The following GBE1 variants were observed in gnomAD, a reference collection of about 807,000 sequenced individuals.
GBE1 encodes 1,4-alpha-glucan-branching enzyme.
A neutral mutation model predicts 88.8 loss-of-function variants in GBE1; 70 were observed. The observed-to-expected ratio is 0.79, with a 90% CI of 0.65 to 0.96. The LOEUF (loss-of-function observed/expected upper bound fraction) is 0.96, where lower values mean the gene tolerates loss of function less well. Among genes scored for constraint, GBE1 ranks in the 40% least tolerant of loss-of-function variants. The probability of loss-of-function intolerance (pLI) is 0.00; values close to 1 mark genes in which losing one functional copy is unlikely to be tolerated. For synonymous variants in GBE1, 284 were observed against 300.1 expected, an observed-to-expected ratio of 0.95 and a Z score of 0.56; for missense variants, 872 against 871.0, an observed-to-expected ratio of 1.00 and a Z score of -0.01.
At chr3:81,710,450 T>G (rs967964925) in intron 1 of GBE1, among the ~76,000 whole-genome samples, 21 of 151,494 alleles carry the variant, frequency 1.4e-4, no homozygotes, top group Non-Finnish European at 2.9e-4. Flanking sequence ...TAATTATATT[T>G]AATTAATTTA....
intron 7 of GBE1, among the ~76,000 whole-genome samples, chr3:81,630,711 C>G (rs372606007): frequency 6.6e-6 from 1 of 152,218 alleles, no homozygotes; most frequent in Non-Finnish European, 1.5e-5. Context: ...ATTTCCAAAA[C>G]GTAATACCTC....
At chr3:81,620,274 C>A (rs1704307329) in intron 7 of GBE1, among the ~76,000 whole-genome samples, 1 of 151,816 alleles carries the variant, frequency 6.6e-6, no homozygotes, top group South Asian at 2.1e-4. Context: ...CCTCCACCTC[C>A]CGGGTTCAAG....
chr3:81,566,507 G>A (rs2106917216), intron 12 of GBE1, among the ~76,000 whole-genome samples: 1 of 152,156 alleles, frequency 6.6e-6, no homozygotes. Context: ...AGGAAAAAAG[G>A]CACACAACCA....
chr3:81,581,270 A>G lies in GBE1; in HGVS notation c.1341T>C (p.Leu447=). ...TCCAGTCTTCATCTTTAAACTCTTT[A>G]AGTAGCTAGACACAAGAGAGAAAAA... ...MAIPDKWIQL[L]KEFKDEDWNM... is the part of the protein sequence containing the mutation. Residue 447 remains leucine, a synonymous_variant, in exon 11 of 16, where the codon CTT becomes CTC. Coordinates refer to ENST00000429644, the MANE Select transcript of GBE1 (RefSeq NM_000158.4). 1 of 1,547,012 alleles carries G rather than the reference A, an allele frequency of 6.5e-7. No individual in the cohort carries two copies. The highest frequency in any genetic ancestry group is 2.3e-5 in the East Asian group (1 of 44,010).
In GBE1 at chr3:81,526,300, A is replaced by T. The variant is rs571329656; in HGVS notation, c.1934+8895T>A. Among the ~76,000 whole-genome samples, 10 of 152,210 alleles carry T rather than the reference A, an allele frequency of 6.6e-5. No individual in the cohort carries two copies. In the South Asian group the frequency reaches 2.1e-3, roughly 32 times the overall value. On this transcript the variant is annotated intron_variant, in intron 14 of 15. Coordinates refer to ENST00000429644, the MANE Select transcript of GBE1 (RefSeq NM_000158.4). ...GCAAAAACTAGAAGCATTCCCTTTGAAAAGTGGTACAAGACAGGGATGCCC... is the reference window on the plus strand; with the variant it reads ...GCAAAAACTAGAAGCATTCCCTTTGTAAAGTGGTACAAGACAGGGATGCCC...
At position 81,508,345 on chromosome 3, in the gene GBE1, T is replaced by C. The variant is rs567776866; in HGVS notation, c.1935-9118A>G. ...AAATAGAAAAATGTGCTCACACTTC[T>C]GCACTAACCTCTCCCTAAAACTGCT... On this transcript the variant is annotated intron_variant, in intron 14 of 15. Transcript: ENST00000429644. Among the ~76,000 whole-genome samples, 5 of 152,292 alleles carry C rather than the reference T, an allele frequency of 3.3e-5. No homozygotes were observed. The East Asian group carries it at 9.7e-4, about 29-fold the overall frequency.
chr3:81,581,637 T>C (rs1703732993), intron 10 of GBE1, among the ~76,000 whole-genome samples: 2 of 152,084 alleles, frequency 1.3e-5, no homozygotes, highest in African/African-American at 4.8e-5. Context: ...AACTTGTACA[T>C]GGTAGAGATA....
At chr3:81,606,321 C>G (rs939866764) in intron 7 of GBE1, among the ~76,000 whole-genome samples, 6 of 152,148 alleles carry the variant, frequency 3.9e-5, no homozygotes, top group Non-Finnish European at 5.9e-5. Context: ...TATAATGACA[C>G]GGAGGAATTG....
intron 12 of GBE1, among the ~76,000 whole-genome samples, chr3:81,551,178 C>T (rs1356726499): frequency 1.3e-5 from 2 of 152,160 alleles, no homozygotes; most frequent in Non-Finnish European, 2.9e-5. Context: ...AAGAATACAA[C>T]TTTAGAACTA....
chr3:81,605,979 T>A (rs1050925880), intron 7 of GBE1, among the ~76,000 whole-genome samples: 2 of 152,200 alleles, frequency 1.3e-5, no homozygotes, highest in Non-Finnish European at 2.9e-5. Flanking sequence ...AATTCAGGTC[T>A]CTTATTGCAG....
chr3:81,689,517 T>C (rs1370153007), intron 2 of GBE1, among the ~76,000 whole-genome samples: 2 of 152,272 alleles, frequency 1.3e-5, no homozygotes, highest in African/African-American at 4.8e-5. Context: ...GTCATGTTTT[T>C]TATTAACTAC....
intron 12 of GBE1, among the ~76,000 whole-genome samples, chr3:81,564,790 C>T (rs574841798): frequency 3.3e-5 from 5 of 152,178 alleles, no homozygotes; most frequent in South Asian, 2.1e-4. Flanking sequence ...CCAGTGACTC[C>T]GGCACAGTCC....
intron 9 of GBE1, among the ~76,000 whole-genome samples, chr3:81,587,696 G>A (rs1703819875): frequency 6.6e-6 from 1 of 152,120 alleles, no homozygotes; most frequent in African/African-American, 2.4e-5. Flanking sequence ...ATCTAGACTA[G>A]TTTAATAATA....
rs71108342 is a variant in GBE1 at position 81,750,539 on chromosome 3, GTA to G, written c.143+10834_143+10835del. ...TCAAAACATTCATATATATATATAC[GTA>G]TATATATATGTATATATATATGTAT... On this transcript the variant is annotated intron_variant, in intron 1 of 15. Transcript: ENST00000429644. 1.6e-3 allele frequency among the ~76,000 whole-genome samples: 107 copies of G among 66,398 alleles called. 10 individuals carry two copies. Among genetic ancestry groups the G allele is most frequent in the South Asian group, 0.011 (31 of 2,788 alleles). The allele number at this position is 66,398 out of a possible 152,430, so 43.6% of individuals were successfully genotyped here.
chr3:81,568,786 A>G lies in GBE1; in HGVS notation c.1618+9139T>C, dbSNP rs545221817. Among the ~76,000 whole-genome samples, 23 of 151,856 alleles carry G rather than the reference A, an allele frequency of 1.5e-4. No homozygotes were observed. In the East Asian group the frequency reaches 1.7e-3, roughly 12 times the overall value. On this transcript the variant is annotated intron_variant, in intron 12 of 15. Coordinates refer to ENST00000429644, the MANE Select transcript of GBE1 (RefSeq NM_000158.4). The stretch of plus-strand genomic sequence containing the variant: ...GTTAGACACGAACGTGTGTGTGTGT[A>G]TATATATATATGTGCATGTGAGTAT...
intron 2 of GBE1, among the ~76,000 whole-genome samples, chr3:81,693,211 A>C (rs1705545387): frequency 6.6e-6 from 1 of 152,166 alleles, no homozygotes; most frequent in Non-Finnish European, 1.5e-5. Context: ...TTTGGTTTAA[A>C]AATAAACACA....
At chr3:81,635,255 G>A (rs1053748209) in intron 7 of GBE1, among the ~76,000 whole-genome samples, 8 of 152,116 alleles carry the variant, frequency 5.3e-5, no homozygotes, top group African/African-American at 1.9e-4. Context: ...TATGGTGAAA[G>A]AAACAGAAGG....
chr3:81,741,765 AT>A (rs1156954777), intron 1 of GBE1, among the ~76,000 whole-genome samples: 1 of 149,088 alleles, frequency 6.7e-6, no homozygotes, highest in African/African-American at 2.5e-5. Context: ...ACTCTATATA[AT>A]ATATAACACT....
chr3:81,498,815 A>G lies in GBE1; in HGVS notation c.2052+295T>C, dbSNP rs820273. ...TGCATAAAGAATAGAAATGTTCATAATTGAAAGAAAAATAAAAAACTGCCT... is the reference window on the plus strand; with the variant it reads ...TGCATAAAGAATAGAAATGTTCATAGTTGAAAGAAAAATAAAAAACTGCCT... On this transcript the variant is annotated intron_variant, in intron 15 of 15. Coordinates refer to ENST00000429644, the MANE Select transcript of GBE1 (RefSeq NM_000158.4). Among the ~76,000 whole-genome samples the G allele has an allele frequency of 0.36, 55,427 of 152,068 alleles. 11,435 individuals carry two copies. Among genetic ancestry groups the G allele is most frequent in the South Asian group, 0.55 (2,651 of 4,826 alleles).
Sources: allele counts gnomAD v4.1 joint callset (sites outside exome capture counted in the v4.1 genomes callset), GRCh38; gene constraint gnomAD v4.1.1; transcripts MANE v1.5; gene names NCBI Gene and HGNC (gene_info 2026-07-23, HGNC 2026-07-21).